The following SENP2 variants were observed in gnomAD, a reference collection of about 807,000 sequenced individuals.
SENP2 encodes SUMO specific peptidase 2.
Under a neutral mutation model 86.3 loss-of-function variants are expected in SENP2, and 16 were observed. The observed-to-expected ratio is 0.19, with a 90% confidence interval of 0.13 to 0.28. SENP2 has a LOEUF of 0.28. Among genes scored for constraint, SENP2 ranks in the 10% least tolerant of loss-of-function variants. SENP2 has a pLI of 1.00. For synonymous variants in SENP2, 222 were observed against 238.7 expected, an observed-to-expected ratio of 0.93 and a Z score of 0.64; for missense variants, 552 against 703.0, an observed-to-expected ratio of 0.79 and a Z score of 2.43.
At chr3:185,592,011 C>CTTTTTTTTTGTTTTTTTTTTT (rs1722019245) in intron 2 of SENP2, among the ~76,000 whole-genome samples, 1 of 65,804 alleles carries the variant, frequency 1.5e-5, no homozygotes, top group Non-Finnish European at 2.7e-5. Flanking sequence ...GGTAATATTT[C>CTTTTTTTTTGTTTTTTTTTTT]TTTTTTTTTT....
At chr3:185,628,428 C>T (rs541444243) in intron 16 of SENP2, among the ~76,000 whole-genome samples, 120 of 152,178 alleles carry the variant, frequency 7.9e-4, no homozygotes, top group African/African-American at 2.4e-3. Context: ...TGTGCCACCA[C>T]GCCCGGTGAC....
intron 2 of SENP2, among the ~76,000 whole-genome samples, chr3:185,592,963 A>G (rs1722056474): frequency 6.6e-6 from 1 of 152,216 alleles, no homozygotes; most frequent in South Asian, 2.1e-4. Flanking sequence ...GGTAGGGGGT[A>G]TAAGACAATC....
rs1405345571 is a variant in SENP2, at chr3:185,602,187, TAG to T, written c.449+1335_449+1336del. Among the ~76,000 whole-genome samples the T allele has an allele frequency of 3.3e-5, 5 of 152,354 alleles. No homozygotes were observed. In the East Asian group the frequency reaches 9.6e-4, roughly 29 times the overall value. On this transcript the variant is annotated intron_variant, in intron 5 of 16. Coordinates refer to ENST00000296257, the MANE Select transcript of SENP2 (RefSeq NM_021627.3). The stretch of plus-strand genomic sequence containing the variant: ...TTTATTTTGGTCTGATCTTTGAAGT[TAG>T]AGTCTTTATTCAAGTACTTGGTACT...
At chr3:185,617,757 G>A in intron 12 of SENP2, 146 bp downstream of exon 12, 1 of 681,900 alleles carries the variant, frequency 1.5e-6, no homozygotes, top group East Asian at 3.1e-5. Context: ...ATCTTAAAAA[G>A]ATGGTTAGTT....
chr3:185,614,995 C>T (rs1293902234), intron 11 of SENP2, among the ~76,000 whole-genome samples: 1 of 152,144 alleles, frequency 6.6e-6, no homozygotes, highest in Non-Finnish European at 1.5e-5. Context: ...TGGAATACAA[C>T]AGATTCTTTG....
At chr3:185,588,671 TTC>T (rs1721880187) in intron 1 of SENP2, among the ~76,000 whole-genome samples, 1 of 152,212 alleles carries the variant, frequency 6.6e-6, no homozygotes, top group South Asian at 2.1e-4. Flanking sequence ...TGCCTTATTT[TTC>T]TCTCCTATCT....
chr3:185,589,403 G>T (rs751880303), intron 1 of SENP2, among the ~76,000 whole-genome samples: 2 of 152,132 alleles, frequency 1.3e-5, no homozygotes, highest in Non-Finnish European at 2.9e-5. Flanking sequence ...TTTCTTTGGG[G>T]ATCATTTTCA....
At chr3:185,625,272 T>C (rs1020909270) in intron 15 of SENP2, among the ~76,000 whole-genome samples, 3 of 152,038 alleles carry the variant, frequency 2.0e-5, no homozygotes, top group Non-Finnish European at 4.4e-5. Flanking sequence ...CCACCACGCC[T>C]GGCTAATTTT....
intron 2 of SENP2, among the ~76,000 whole-genome samples, chr3:185,592,383 TAAAGAAAATA>T (rs1384857687): frequency 1.3e-5 from 2 of 152,120 alleles, no homozygotes; most frequent in Non-Finnish European, 2.9e-5. Context: ...TCTGAATGGA[TAAAGAAAATA>T]AAAGTAGATT....
chr3:185,605,662 CT>C (rs148897420), intron 5 of SENP2, among the ~76,000 whole-genome samples: 595 of 137,278 alleles, frequency 4.3e-3, no homozygotes, highest in African/African-American at 4.8e-3. Context: ...CAGATTATGC[CT>C]TTTTTTTTTT....
chr3:185,610,154 CTTTTT>C (rs557832407), intron 7 of SENP2, among the ~76,000 whole-genome samples: 35 of 115,056 alleles, frequency 3.0e-4, no homozygotes, highest in African/African-American at 3.9e-4. Context: ...TATTATCTAG[CTTTTT>C]TTTTTTTTTT....
rs1278200955 is a variant in SENP2 at position 185,609,310 on chromosome 3, C to T, written c.682C>T (p.His228Tyr). The change falls in exon 7 of 17, where the codon CAT (histidine) becomes TAT (tyrosine). Residue 228 changes from histidine to tyrosine, a missense_variant. Physicochemically the swap from His to Tyr is moderately conservative, Grantham distance 83. This residue lies in a region of SENP2 where 383 missense variants were observed against 427.3 expected (regional missense o/e 0.90). Transcript: ENST00000296257. Reference sequence around the variant, plus strand: ...ATTGGAACGACTTAAAGAAAGTGGTCATGGAAACTCTGTCTGTCCTGTAAC... The same window carrying T: ...ATTGGAACGACTTAAAGAAAGTGGTTATGGAAACTCTGTCTGTCCTGTAAC... ...KLLERLKESG[H>Y]GNSVCPVTSN... The T allele has an allele frequency of 6.2e-7, 1 of 1,613,702 alleles. No individual in the cohort carries two copies. The highest frequency in any genetic ancestry group is 8.5e-7 in the Non-Finnish European group (1 of 1,179,764).
intron 5 of SENP2, among the ~76,000 whole-genome samples, chr3:185,604,944 T>TG (rs1056281997): frequency 5.9e-5 from 9 of 151,424 alleles, no homozygotes; most frequent in African/African-American, 1.9e-4. Context: ...TTGGTAGAGT[T>TG]GGGGTTCCAC....
chr3:185,616,914 A>C (rs1259780571), intron 11 of SENP2, among the ~76,000 whole-genome samples: 6 of 152,158 alleles, frequency 3.9e-5, no homozygotes, highest in African/African-American at 7.2e-5. Flanking sequence ...ATGTAAAATA[A>C]ATTCTCTGGG....
At chr3:185,603,512 G>C (rs1722415800) in intron 5 of SENP2, among the ~76,000 whole-genome samples, 1 of 152,160 alleles carries the variant, frequency 6.6e-6, no homozygotes, top group Non-Finnish European at 1.5e-5. Context: ...GGAGATGAAA[G>C]ATACCTGGTA....
chr3:185,614,858 A>T, intron 11 of SENP2, 118 bp downstream of exon 11: 1 of 898,190 alleles, frequency 1.1e-6, no homozygotes, highest in Non-Finnish European at 1.7e-6. Context: ...ATATGAAAAC[A>T]TGTCAGGTCC....
intron 2 of SENP2, 66 bp from the exon 3 acceptor site, chr3:185,598,346 G>C: frequency 2.6e-6 from 4 of 1,514,174 alleles, no homozygotes; most frequent in Non-Finnish European, 3.6e-6. Flanking sequence ...CTCTTTCCAA[G>C]ATATCATTTT....
rs548442429 is a variant in SENP2 at position 185,632,870 on chromosome 3, A to T, written c.*3026A>T. ...AGTTTAGGGGGTTGAGAAAAGATGC[A>T]GTGAGCCATTATTCTCCTTTAGCAG... On this transcript the variant is annotated 3_prime_UTR_variant, in exon 17 of 17. Coordinates refer to ENST00000296257, the MANE Select transcript of SENP2 (RefSeq NM_021627.3). 2 of 152,362 alleles carry T rather than the reference A, an allele frequency of 1.3e-5. No individual in the cohort carries two copies. Among genetic ancestry groups the T allele is most frequent in the South Asian group, 4.1e-4 (2 of 4,834 alleles). The allele number at this position is 152,362 out of a possible 1,614,324, so 9.4% of individuals were successfully genotyped here.
Position 185,627,720 on chromosome 3 carries a change from C to T in SENP2, c.1707+1327C>T, listed in dbSNP as rs540725218. On this transcript the variant is annotated intron_variant, in intron 16 of 16. Coordinates refer to ENST00000296257, the MANE Select transcript of SENP2 (RefSeq NM_021627.3). ...GCCACCGCGCCTGGCCTGTTCTGCT[C>T]TTTTGTTTAATTCTCCATGGCTTTG... is the stretch of plus-strand genomic sequence containing the variant. Among the ~76,000 whole-genome samples the T allele has an allele frequency of 5.9e-5, 9 of 152,218 alleles. No individual in the cohort carries two copies. In the South Asian group the frequency reaches 1.9e-3, roughly 32 times the overall value.
Sources: allele counts gnomAD v4.1 joint callset (sites outside exome capture counted in the v4.1 genomes callset), GRCh38; gene constraint gnomAD v4.1.1; regional missense constraint gnomAD v4.1.1; transcripts MANE v1.5; gene names NCBI Gene and HGNC (gene_info 2026-07-23, HGNC 2026-07-21).